CNTN3: variants seen among roughly 807,000 people sequenced by gnomAD.
CNTN3 encodes the protein contactin-3.
CNTN3 carries 60 observed loss-of-function variants against 119.1 expected under a neutral mutation model. The ratio of observed to expected loss-of-function variants is 0.50; its 90% confidence interval spans 0.41 to 0.62. The LOEUF (loss-of-function observed/expected upper bound fraction) is 0.62. Among genes scored for constraint, CNTN3 ranks in the 20% least tolerant of loss-of-function variants. The pLI is 0.00. For synonymous variants in CNTN3, 450 were observed against 438.7 expected, an observed-to-expected ratio of 1.03 and a Z score of -0.32; for missense variants, 1,101 against 1,242.4, an observed-to-expected ratio of 0.89 and a Z score of 1.71.
chr3:74,272,342 A>G (rs1319103567), intron 20 of CNTN3, among the ~76,000 whole-genome samples: 2 of 152,188 alleles, frequency 1.3e-5, no homozygotes, highest in Non-Finnish European at 2.9e-5. Flanking sequence ...ATTTTCAAAA[A>G]AGTGCCAAAA....
At chr3:74,548,732 C>T (rs1159840057) in intron 1 of CNTN3, among the ~76,000 whole-genome samples, 1 of 152,056 alleles carries the variant, frequency 6.6e-6, no homozygotes, top group Non-Finnish European at 1.5e-5. Flanking sequence ...ATTCAATGAC[C>T]TGCTGTATGC....
At chr3:74,558,347 A>C (rs72885317) in intron 1 of CNTN3, among the ~76,000 whole-genome samples, 10 of 152,338 alleles carry the variant, frequency 6.6e-5, no homozygotes, top group Admixed American at 2.0e-4. Flanking sequence ...TCTCTGTCTC[A>C]GAGTCCATTT....
chr3:74,315,210 A>C (rs2106651680), intron 13 of CNTN3, among the ~76,000 whole-genome samples: 1 of 152,292 alleles, frequency 6.6e-6, no homozygotes, highest in African/African-American at 2.4e-5. Context: ...AGGAACCCTA[A>C]GTTCTGAGGA....
chr3:74,334,467 T>A (rs939556190), intron 13 of CNTN3, among the ~76,000 whole-genome samples: 5 of 152,138 alleles, frequency 3.3e-5, no homozygotes, highest in African/African-American at 9.7e-5. Flanking sequence ...CCATAAGACA[T>A]TAACAAAACA....
At chr3:74,495,261 C>T (rs991362279) in intron 3 of CNTN3, among the ~76,000 whole-genome samples, 1 of 151,894 alleles carries the variant, frequency 6.6e-6, no homozygotes, top group Non-Finnish European at 1.5e-5. Flanking sequence ...AACAATAACT[C>T]GTCTTGACAC....
intron 3 of CNTN3, among the ~76,000 whole-genome samples, chr3:74,495,486 TATATACATATAGCACCAA>T (rs1703044783): frequency 6.6e-6 from 1 of 152,000 alleles, no homozygotes; most frequent in African/African-American, 2.4e-5. Flanking sequence ...AGTGTGTGTA[TATATACATATAGCACCAA>T]ATACAGTACT....
At chr3:74,296,869 AT>A (rs565642577) in intron 18 of CNTN3, among the ~76,000 whole-genome samples, 9,982 of 142,502 alleles carry the variant, frequency 0.07, 884 homozygotes, top group African/African-American at 0.21. Context: ...AGTTTCTGCC[AT>A]TTTTTTTTTT....
intron 8 of CNTN3, among the ~76,000 whole-genome samples, chr3:74,366,778 G>GTATATA (rs1485995990): frequency 1.5e-3 from 62 of 40,888 alleles, no homozygotes; most frequent in South Asian, 1.7e-3. Flanking sequence ...GTGTGTGTGT[G>GTATATA]TGTATATATA....
intron 5 of CNTN3, among the ~76,000 whole-genome samples, chr3:74,376,343 C>G (rs965633722): frequency 4.6e-5 from 7 of 152,194 alleles, no homozygotes; most frequent in African/African-American, 1.7e-4. Flanking sequence ...AAAGCTTCAT[C>G]TGTATTTACA....
chr3:74,541,611 T>C (rs1356583067), intron 1 of CNTN3, among the ~76,000 whole-genome samples: 1 of 151,952 alleles, frequency 6.6e-6, no homozygotes, highest in Non-Finnish European at 1.5e-5. Flanking sequence ...ATCCAAACAG[T>C]AGTGACCCTA....
intron 5 of CNTN3, among the ~76,000 whole-genome samples, chr3:74,379,599 T>TTCTG (rs1258735954): frequency 6.6e-6 from 1 of 152,178 alleles, no homozygotes; most frequent in Non-Finnish European, 1.5e-5. Flanking sequence ...TTTGCTTGCA[T>TTCTG]TCTGTATCCT....
chr3:74,296,942 A>G (rs1702350765), intron 18 of CNTN3, among the ~76,000 whole-genome samples: 1 of 151,776 alleles, frequency 6.6e-6, no homozygotes. Context: ...GCAATTTTGC[A>G]TAATTCTTTT....
At position 74,361,905 on chromosome 3, in the gene CNTN3, A is replaced by T. The variant is rs779053603; in HGVS notation, c.1349T>A (p.Val450Glu). The change falls in exon 11 of 23, where the codon GTG becomes GAG. Residue 450 changes from valine (V) to glutamate (E), a missense_variant. Transcript: ENST00000263665. ...LSSWKKGDVS[V>E]QEHERISLLN... Reference sequence around the variant, plus strand: ...ATCAAAATACCTTTCATGCTCCTGCACGCTCACATCCCCCTTCTTCCAGGA... The same window carrying T: ...ATCAAAATACCTTTCATGCTCCTGCTCGCTCACATCCCCCTTCTTCCAGGA... 1 of 1,612,830 alleles carries T rather than the reference A, an allele frequency of 6.2e-7. No homozygotes were observed. The highest frequency in any genetic ancestry group is 2.2e-5 in the East Asian group (1 of 44,860).
At chr3:74,317,387 T>C (rs1336731473) in intron 13 of CNTN3, among the ~76,000 whole-genome samples, 1 of 152,000 alleles carries the variant, frequency 6.6e-6, no homozygotes, top group East Asian at 1.9e-4. Context: ...ATTATGATGT[T>C]AGCTGGTTAT....
In CNTN3 at chr3:74,365,611, C is replaced by T. The variant is rs1203047847; in HGVS notation, c.1038G>A (p.Lys346=). ...YWECRASGKP[K]PSYRWLKNGA... is the part of the protein sequence containing the mutation. ...CATTTTTCAGCCATCGGTAGGAAGG[C>T]TTGGGCTTGCCGCTTGCCCTGCATT... The change falls in exon 9 of 23, where the codon AAG becomes AAA. Residue 346 remains lysine, a synonymous_variant. Coordinates refer to ENST00000263665, the MANE Select transcript of CNTN3 (RefSeq NM_020872.3). 3 of 1,613,420 alleles carry T rather than the reference C, an allele frequency of 1.9e-6. No homozygotes were observed. Among genetic ancestry groups the T allele is most frequent in the African/African-American group, 1.3e-5 (1 of 74,886 alleles).
chr3:74,396,800 G>A (rs145478121), intron 5 of CNTN3, among the ~76,000 whole-genome samples: 2 of 149,006 alleles, frequency 1.3e-5, no homozygotes, highest in Non-Finnish European at 3.0e-5. Flanking sequence ...TAGAAGAGAA[G>A]TTGGAAGCTA....
chr3:74,589,111 C>G (rs1484298099), intron 1 of CNTN3, among the ~76,000 whole-genome samples: 1 of 150,986 alleles, frequency 6.6e-6, no homozygotes, highest in South Asian at 2.1e-4. Context: ...CAAATGGGAT[C>G]TAATTAAACT....
chr3:74,477,616 A>T (rs1315855159), intron 4 of CNTN3, among the ~76,000 whole-genome samples: 4 of 151,998 alleles, frequency 2.6e-5, no homozygotes, highest in Non-Finnish European at 4.4e-5. Context: ...GGAGGTGGAG[A>T]TGGTTAATGG....
At chr3:74,470,104 C>T (rs1008512003) in intron 4 of CNTN3, among the ~76,000 whole-genome samples, 1 of 151,924 alleles carries the variant, frequency 6.6e-6, no homozygotes, top group East Asian at 1.9e-4. Context: ...TGCATGATTC[C>T]GTGTATATAA....
Sources: gnomAD v4.1 joint callset for allele counts (sites outside exome capture counted in the v4.1 genomes callset) on GRCh38, gnomAD v4.1.1 for gene constraint, MANE v1.5 for transcripts, NCBI Gene and HGNC (gene_info 2026-07-23, HGNC 2026-07-21) for gene names.